Variants in AGPAT4 observed in about 807,000 individuals in gnomAD.
AGPAT4 encodes the protein 1-acyl-sn-glycerol-3-phosphate acyltransferase delta.
A neutral mutation model predicts 48.0 loss-of-function variants in AGPAT4; 15 were observed. That is an observed-to-expected ratio of 0.31 (90% CI 0.21 to 0.48). The LOEUF (loss-of-function observed/expected upper bound fraction) is 0.48, where lower values mean the gene tolerates loss of function less well. Among genes scored for constraint, AGPAT4 ranks in the 20% least tolerant of loss-of-function variants. AGPAT4 has a pLI of 0.99. For missense variants in AGPAT4, 314 were observed against 482.5 expected (o/e 0.65, Z 3.27); for synonymous variants, 178 against 198.7 (o/e 0.90, Z 0.88).
chr6:161,182,844 T>C (rs911822051), intron 2 of AGPAT4, among the ~76,000 whole-genome samples: 4 of 152,082 alleles, frequency 2.6e-5, no homozygotes, highest in African/African-American at 9.7e-5. Flanking sequence ...CATCTGGAGA[T>C]TACAGCACAT....
Position 161,141,857 on chromosome 6 carries a change from C to T in AGPAT4, c.844-2237G>A, listed in dbSNP as rs1231220412. Among the ~76,000 whole-genome samples the T allele has an allele frequency of 1.3e-5, 2 of 152,084 alleles. No homozygotes were observed. The highest frequency in any genetic ancestry group is 2.9e-5 in the Non-Finnish European group (2 of 67,998). On this transcript the variant is annotated intron_variant, in intron 7 of 8. Transcript: ENST00000320285. The surrounding 1 kb of genome is among the most constrained non-coding windows in gnomAD (Gnocchi z 6.7). ...CTAGGAGCTTCCCAACTCAGAACTT[C>T]CCATTCACTTTATTTTATTTTTTGA...
Position 161,159,486 on chromosome 6 carries a change from G to T in AGPAT4, c.349-5176C>A, listed in dbSNP as rs1268199431. On this transcript the variant is annotated intron_variant, in intron 3 of 8. Coordinates refer to ENST00000320285, the MANE Select transcript of AGPAT4 (RefSeq NM_020133.3). This position sits in a 1 kb window ranked among gnomAD's most constrained non-coding sequence, Gnocchi z 4.1. ...TAAGTTGTTGTACAGACCCCTTCTG[G>T]CAAGAAAGGTGTGTGCAAGAGAGGA... 2.0e-5 allele frequency among the ~76,000 whole-genome samples: 3 copies of T among 152,160 alleles called. No individual in the cohort carries two copies. The highest frequency in any genetic ancestry group is 1.9e-4 in the East Asian group (1 of 5,192).
At position 161,262,375 on chromosome 6, in the gene AGPAT4, C is replaced by T. The variant is rs541840140; in HGVS notation, c.-90+11563G>A. Among the ~76,000 whole-genome samples the T allele has an allele frequency of 5.2e-4, 79 of 152,182 alleles. No individual in the cohort carries two copies. Among genetic ancestry groups the T allele is most frequent in the Non-Finnish European group, 1.0e-3 (68 of 68,030 alleles). On this transcript the variant is annotated intron_variant, in intron 1 of 8. Coordinates refer to ENST00000320285, the MANE Select transcript of AGPAT4 (RefSeq NM_020133.3). The surrounding 1 kb of genome is among the most constrained non-coding windows in gnomAD (Gnocchi z 4.9). Reference sequence around the variant, plus strand: ...AGCTGCAGCCATGGTGGCCAGCTGCCGCGTCTGTCCCTGCCACACAGGGGC... The same window carrying T: ...AGCTGCAGCCATGGTGGCCAGCTGCTGCGTCTGTCCCTGCCACACAGGGGC...
At position 161,187,504 on chromosome 6, in the gene AGPAT4, CATTTATTTATTT is replaced by C. The variant is rs60104618; in HGVS notation, c.179-21099_179-21088del. Among the ~76,000 whole-genome samples, 459 of 143,924 alleles carry C rather than the reference CATTTATTTATTT, an allele frequency of 3.2e-3. 3 individuals are homozygous for C. Among genetic ancestry groups the C allele is most frequent in the Admixed American group, 7.1e-3 (102 of 14,404 alleles). 94.4% of individuals were successfully genotyped at this position (143,924 alleles called of 152,430 possible). ...TTAAGGATGGTATGGTCCTGAAGCC[CATTTATTTATTT>C]ATTTATTTATTTATTTATTTATTTA... On this transcript the variant is annotated intron_variant, in intron 2 of 8. Coordinates refer to ENST00000320285, the MANE Select transcript of AGPAT4 (RefSeq NM_020133.3).
Position 161,263,862 on chromosome 6 carries a change from G to C in AGPAT4, c.-90+10076C>G, listed in dbSNP as rs185172910. Reference sequence around the variant, plus strand: ...AAAAGAAAATTCAGGAAAATTTCAGGAAAGGCAAGAATATGAAATGCAAGT... The same window carrying C: ...AAAAGAAAATTCAGGAAAATTTCAGCAAAGGCAAGAATATGAAATGCAAGT... On this transcript the variant is annotated intron_variant, in intron 1 of 8. Transcript: ENST00000320285. Among the ~76,000 whole-genome samples the C allele has an allele frequency of 2.6e-5, 4 of 152,296 alleles. No individual in the cohort carries two copies. In the East Asian group the frequency reaches 7.7e-4, roughly 29 times the overall value.
rs1249531360 is a variant in AGPAT4 at position 161,202,627 on chromosome 6, A to G, written c.178+29409T>C. On this transcript the variant is annotated intron_variant, in intron 2 of 8. Coordinates refer to ENST00000320285, the MANE Select transcript of AGPAT4 (RefSeq NM_020133.3). This position sits in a 1 kb window ranked among gnomAD's most constrained non-coding sequence, Gnocchi z 5.4. The stretch of plus-strand genomic sequence containing the variant: ...ATTTTCCAAAGATGGCTACAATAAT[A>G]TTGTATATCCCGCAGGCTCTTCTAG... Among the ~76,000 whole-genome samples, 1 of 152,104 alleles carries G rather than the reference A, an allele frequency of 6.6e-6. No homozygotes were observed. Among genetic ancestry groups the G allele is most frequent in the Non-Finnish European group, 1.5e-5 (1 of 68,014 alleles).
chr6:161,196,017 T>G lies in AGPAT4; in HGVS notation c.179-29600A>C, dbSNP rs1781056518. On this transcript the variant is annotated intron_variant, in intron 2 of 8. Transcript: ENST00000320285. The surrounding 1 kb of genome is among the most constrained non-coding windows in gnomAD (Gnocchi z 4.3). ...TCTGTGATTCACGTGCTGGATATTC[T>G]AGAGCCCCTGAAGGTGCCAGGACTT... 6.6e-6 allele frequency among the ~76,000 whole-genome samples: 1 copy of G among 152,200 alleles called. No homozygotes were observed.
intron 4 of AGPAT4, 164 bp downstream of exon 4, chr6:161,153,985 A>G: frequency 1.1e-6 from 1 of 926,914 alleles, no homozygotes; most frequent in Non-Finnish European, 1.6e-6. Flanking sequence ...ACACGGCCCC[A>G]TGGTCACATA....
Position 161,264,959 on chromosome 6 carries a change from T to C in AGPAT4, c.-90+8979A>G, listed in dbSNP as rs1783208014. Among the ~76,000 whole-genome samples, 1 of 151,944 alleles carries C rather than the reference T, an allele frequency of 6.6e-6. No individual in the cohort carries two copies. The highest frequency in any genetic ancestry group is 6.6e-5 in the Admixed American group (1 of 15,240). ...GCTGGTCCTGGGAAGGAAGTAAAGG[T>C]GGCCCCTCCTGTAAGTGAGAAGCAC... is the stretch of plus-strand genomic sequence containing the variant. On this transcript the variant is annotated intron_variant, in intron 1 of 8. Transcript: ENST00000320285. The surrounding 1 kb of genome is among the most constrained non-coding windows in gnomAD (Gnocchi z 6.8).
At chr6:161,156,140 C>T (rs1347168550) in intron 3 of AGPAT4, among the ~76,000 whole-genome samples, 1 of 152,206 alleles carries the variant, frequency 6.6e-6, no homozygotes, top group Non-Finnish European at 1.5e-5. Flanking sequence ...CTATCTCCAT[C>T]CCTCTTAGAT....
In AGPAT4 at chr6:161,149,553, CT is replaced by C. The variant is rs199781811; in HGVS notation, c.665-265del. Among the ~76,000 whole-genome samples, 2 of 150,936 alleles carry C rather than the reference CT, an allele frequency of 1.3e-5. No individual in the cohort carries two copies. Among genetic ancestry groups the C allele is most frequent in the Admixed American group, 6.6e-5 (1 of 15,120 alleles). On this transcript the variant is annotated intron_variant, in intron 5 of 8. Coordinates refer to ENST00000320285, the MANE Select transcript of AGPAT4 (RefSeq NM_020133.3). The surrounding 1 kb of genome is among the most constrained non-coding windows in gnomAD (Gnocchi z 6.5). ...ATCATTTTTTTCTTTTCTTTCTTTT[CT>C]TTTTTTTTGGAGATGGAGTCTCACT...
At position 161,154,164 on chromosome 6, in the gene AGPAT4, G is replaced by T. The variant is rs373347738; in HGVS notation, c.495C>A (p.Tyr165Ter). ...VATSLQHLRD[Y>*]PEKYFFLIHC... ...GCCTACATACAAAATACTTCTCGGG[G>T]TAGTCCCGGAGGTGCTGCAAACTGG... Residue 165 changes from tyrosine (Y) to a stop codon, truncating the protein, a stop_gained, in exon 4 of 9, where the codon TAC becomes TAA. Transcript: ENST00000320285. LOFTEE classifies it high-confidence loss of function. The surrounding 1 kb of genome is among the most constrained non-coding windows in gnomAD (Gnocchi z 7.8). The T allele has an allele frequency of 6.2e-7, 1 of 1,614,170 alleles. No individual in the cohort carries two copies. Among genetic ancestry groups the T allele is most frequent in the African/African-American group, 1.3e-5 (1 of 75,046 alleles).
Position 161,225,284 on chromosome 6 carries a change from G to A in AGPAT4, c.178+6752C>T, listed in dbSNP as rs1445718077. On this transcript the variant is annotated intron_variant, in intron 2 of 8. Coordinates refer to ENST00000320285, the MANE Select transcript of AGPAT4 (RefSeq NM_020133.3). This position sits in a 1 kb window ranked among gnomAD's most constrained non-coding sequence, Gnocchi z 5.0. Reference sequence around the variant, plus strand: ...TCTTTAAATTAGCCAATCAGAATTAGTTTAACCTGTGCAGTCTAACCCTAG... The same window carrying A: ...TCTTTAAATTAGCCAATCAGAATTAATTTAACCTGTGCAGTCTAACCCTAG... Among the ~76,000 whole-genome samples the A allele has an allele frequency of 1.3e-5, 2 of 152,122 alleles. No homozygotes were observed. The highest frequency in any genetic ancestry group is 3.9e-4 in the East Asian group (2 of 5,192).
At position 161,261,620 on chromosome 6, in the gene AGPAT4, T is replaced by C. The variant is rs1783102204; in HGVS notation, c.-90+12318A>G. The stretch of plus-strand genomic sequence containing the variant: ...TTAACAAAGCCAACGGAGGGATATT[T>C]TACCTTCCACAAATCCAGCTAATCA... On this transcript the variant is annotated intron_variant, in intron 1 of 8. Coordinates refer to ENST00000320285, the MANE Select transcript of AGPAT4 (RefSeq NM_020133.3). This position sits in a 1 kb window ranked among gnomAD's most constrained non-coding sequence, Gnocchi z 5.3. 6.6e-6 allele frequency among the ~76,000 whole-genome samples: 1 copy of C among 152,198 alleles called. No individual in the cohort carries two copies. The highest frequency in any genetic ancestry group is 2.4e-5 in the African/African-American group (1 of 41,452).
At position 161,178,334 on chromosome 6, in the gene AGPAT4, C is replaced by T. The variant is rs1345446242; in HGVS notation, c.179-11917G>A. Among the ~76,000 whole-genome samples, 4 of 152,212 alleles carry T rather than the reference C, an allele frequency of 2.6e-5. No individual in the cohort carries two copies. The highest frequency in any genetic ancestry group is 6.5e-5 in the Admixed American group (1 of 15,286). On this transcript the variant is annotated intron_variant, in intron 2 of 8. Transcript: ENST00000320285. The surrounding 1 kb of genome is among the most constrained non-coding windows in gnomAD (Gnocchi z 5.1). ...TTACCTACTCAAGCCTCAGCAATGG[C>T]GGATGCCCCTCCCCGAACCTCGCTG...
chr6:161,237,512 A>G (rs1782322205), intron 1 of AGPAT4, among the ~76,000 whole-genome samples: 1 of 152,240 alleles, frequency 6.6e-6, no homozygotes, highest in South Asian at 2.1e-4. Flanking sequence ...GATGTTGACT[A>G]TAAGCCAACA....
chr6:161,153,860 T>C (rs1269504844), intron 4 of AGPAT4, among the ~76,000 whole-genome samples: 8 of 109,502 alleles, frequency 7.3e-5, no homozygotes, highest in East Asian at 3.0e-4. Context: ...TATGGCCACA[T>C]GATCACACAC....
rs1486914486 is a variant in AGPAT4 at position 161,164,931 on chromosome 6, C to T, written c.348+1317G>A. ...AAACTACAGTTTGAATTCCAGGAGA[C>T]GCTGGCACCTCAGAAAGCCTAGCTG... On this transcript the variant is annotated intron_variant, in intron 3 of 8. Coordinates refer to ENST00000320285, the MANE Select transcript of AGPAT4 (RefSeq NM_020133.3). This position sits in a 1 kb window ranked among gnomAD's most constrained non-coding sequence, Gnocchi z 7.4. 2.0e-5 allele frequency among the ~76,000 whole-genome samples: 3 copies of T among 152,150 alleles called. No homozygotes were observed. The South Asian group carries it at 6.2e-4, about 32-fold the overall frequency.
At chr6:161,194,681 G>GGTAT (rs1212429755) in intron 2 of AGPAT4, among the ~76,000 whole-genome samples, 2 of 151,784 alleles carry the variant, frequency 1.3e-5, no homozygotes. Flanking sequence ...TAGATGCGTA[G>GGTAT]GTATGTATGT....
Sources: gnomAD v4.1 joint callset for allele counts (sites outside exome capture counted in the v4.1 genomes callset) on GRCh38, gnomAD v4.1.1 for gene constraint, Gnocchi (gnomAD v3.1) non-coding constraint, MANE v1.5 for transcripts, NCBI Gene and HGNC (gene_info 2026-07-23, HGNC 2026-07-21) for gene names.